Variants in MYH11 observed in about 807,000 individuals in gnomAD.
The protein encoded by MYH11 is myosin heavy chain 11, also known as myosin-11.
In MYH11, 80 loss-of-function variants were observed where a neutral mutation model predicts 246.6. The ratio of observed to expected loss-of-function variants is 0.32; its 90% CI spans 0.27 to 0.39. MYH11 has a LOEUF of 0.39. MYH11 is among the 10% of genes least tolerant of loss of function. MYH11 has a pLI of 1.00. For synonymous variants in MYH11, 1,071 were observed against 1,015.5 expected (o/e 1.05, Z -1.04); for missense variants, 2,158 against 2,546.8 (o/e 0.85, Z 3.29).
intron 2 of MYH11, among the ~76,000 whole-genome samples, chr16:15,835,310 A>T (rs976194016): frequency 6.6e-6 from 1 of 152,170 alleles, no homozygotes; most frequent in Admixed American, 6.6e-5. Flanking sequence ...GCAAGTCACT[A>T]AACTGTGTGC....
chr16:15,737,306 G>T, intron 25 of MYH11, 143 bp downstream of exon 25: 1 of 993,096 alleles, frequency 1.0e-6, no homozygotes, highest in Non-Finnish European at 1.5e-6. Flanking sequence ...GAGAAGGCTT[G>T]TGGGAGGCCT....
chr16:15,728,332 T>G (rs974255878), intron 27 of MYH11, among the ~76,000 whole-genome samples: 2 of 152,172 alleles, frequency 1.3e-5, no homozygotes, highest in Non-Finnish European at 2.9e-5. Flanking sequence ...GGATAAATTT[T>G]ACTACATATG....
intron 6 of MYH11, among the ~76,000 whole-genome samples, chr16:15,781,577 T>G (rs1304043667): frequency 3.9e-5 from 6 of 152,348 alleles, no homozygotes; most frequent in African/African-American, 1.4e-4. Flanking sequence ...CAACCGCTTC[T>G]TTTGCACAAT....
At chr16:15,729,564 T>G (rs2040899245) in intron 27 of MYH11, among the ~76,000 whole-genome samples, 1 of 151,808 alleles carries the variant, frequency 6.6e-6, no homozygotes, top group Non-Finnish European at 1.5e-5. Flanking sequence ...TTTTTTTTTT[T>G]TTTTGAAACT....
At chr16:15,825,830 T>G (rs2043549242) in intron 2 of MYH11, among the ~76,000 whole-genome samples, 2 of 151,630 alleles carry the variant, frequency 1.3e-5, no homozygotes, top group East Asian at 1.9e-4. Flanking sequence ...GAGGTCACAG[T>G]TCAGGAGACA....
At chr16:15,704,260 G>A (rs1336943172) in intron 40 of MYH11, 137 bp from the exon 41 acceptor site, 3 of 916,424 alleles carry the variant, frequency 3.3e-6, no homozygotes, top group African/African-American at 1.7e-5. Context: ...AACACACACG[G>A]CACAAATAAG....
intron 10 of MYH11, among the ~76,000 whole-genome samples, chr16:15,762,642 C>T (rs1037113958): frequency 6.6e-6 from 1 of 152,188 alleles, no homozygotes; most frequent in African/African-American, 2.4e-5. Flanking sequence ...CCCAACCAAT[C>T]AGCACCCCCA....
intron 27 of MYH11, 88 bp from the exon 28 acceptor site, chr16:15,727,142 TC>T: frequency 1.6e-6 from 2 of 1,220,672 alleles, no homozygotes; most frequent in Non-Finnish European, 2.4e-6. Flanking sequence ...CTCAGAGAGG[TC>T]CAGGAAGGCA....
chr16:15,799,245 C>T (rs1044329871), intron 3 of MYH11, among the ~76,000 whole-genome samples: 1 of 152,184 alleles, frequency 6.6e-6, no homozygotes. Context: ...GGGACTGCCT[C>T]ATAAGTACCT....
rs1225099089 is a variant in MYH11 at position 15,715,214 on chromosome 16, A to G, written c.5563T>C (p.Leu1855=). The G allele has an allele frequency of 6.2e-7, 1 of 1,613,988 alleles. No individual in the cohort carries two copies. Among genetic ancestry groups the G allele is most frequent in the African/African-American group, 1.3e-5 (1 of 74,920 alleles). The stretch of plus-strand genomic sequence containing the variant: ...TTGCGCTCGTCCTCCACCTGCAGCA[A>G]GATTTCCTTCAGCTTCTTGTCTTTC... ...KQKDKKLKEI[L]LQVEDERKMA... Residue 1855 remains leucine (L), a synonymous_variant, in exon 39 of 41, where the codon TTG becomes CTG. Transcript: ENST00000300036.
At chr16:15,719,791 C>G in intron 34 of MYH11, 78 bp from the exon 35 acceptor site, 2 of 1,590,000 alleles carry the variant, frequency 1.3e-6, no homozygotes, top group Middle Eastern at 1.9e-4. Flanking sequence ...GCTTTGCACA[C>G]CCACCCCTTG....
intron 22 of MYH11, 195 bp downstream of exon 22, chr16:15,741,268 T>C (rs897291340): frequency 1.0e-5 from 7 of 677,172 alleles, no homozygotes; most frequent in South Asian, 4.9e-5. Context: ...GGCAGGGCAA[T>C]AGAACAGAGT....
intron 4 of MYH11, among the ~76,000 whole-genome samples, chr16:15,787,667 G>T (rs1031734365): frequency 4.0e-5 from 6 of 151,602 alleles, no homozygotes; most frequent in Non-Finnish European, 5.9e-5. Context: ...TAGAGACGGG[G>T]TTTCACCATG....
At chr16:15,774,302 G>A (rs1049557762) in intron 8 of MYH11, among the ~76,000 whole-genome samples, 1 of 152,040 alleles carries the variant, frequency 6.6e-6, no homozygotes, top group East Asian at 1.9e-4. Flanking sequence ...GAATACAAAC[G>A]GCCCCTGGGA....
At chr16:15,794,315 G>A (rs372358419) in intron 4 of MYH11, among the ~76,000 whole-genome samples, 9 of 152,164 alleles carry the variant, frequency 5.9e-5, no homozygotes, top group African/African-American at 1.4e-4. Flanking sequence ...CACCAACTAC[G>A]CGTAAAAGCT....
rs751402120 is a variant in MYH11 at position 15,703,939 on chromosome 16, TTTG to T, written c.*49_*51del. 4 of 1,613,040 alleles carry T rather than the reference TTTG, an allele frequency of 2.5e-6. No homozygotes were observed. Among genetic ancestry groups the T allele is most frequent in the Non-Finnish European group, 3.4e-6 (4 of 1,179,424 alleles). On this transcript the variant is annotated 3_prime_UTR_variant, in exon 41 of 41. Coordinates refer to ENST00000300036, the MANE Select transcript of MYH11 (RefSeq NM_002474.3). ...GTTGTTGTTGGGTTTTTTTTGTTTG[TTTG>T]TTTTGGTTTTTGGTTTTCTTGCCGT...
At chr16:15,747,422 A>C in intron 19 of MYH11, 148 bp downstream of exon 19, 5 of 973,376 alleles carry the variant, frequency 5.1e-6, no homozygotes, top group Non-Finnish European at 8.0e-6. Flanking sequence ...TTTAAAGTAG[A>C]AGCATTTCTT....
rs1317809527 is a variant in MYH11, at chr16:15,704,013, T to C, written c.5897A>G (p.Asn1966Ser). The change falls in exon 41 of 41, where the codon AAT (asparagine) becomes AGT (serine). Residue 1966 changes from asparagine (N) to serine (S), a missense_variant. Transcript: ENST00000300036. The part of the protein sequence containing the change: ...EETDTRDADF[N>S]GTKASE ...TGCTTATTCACTGGCCTTGGTTCCA[T>C]TGAAGTCTGCGTCTCGAGTGTCCGT... 1.9e-6 allele frequency: 3 copies of C among 1,614,160 alleles called. No individual in the cohort carries two copies. The highest frequency in any genetic ancestry group is 1.7e-5 in the Admixed American group (1 of 59,998).
intron 31 of MYH11, among the ~76,000 whole-genome samples, chr16:15,723,762 C>A (rs2040603198): frequency 6.6e-6 from 1 of 152,174 alleles, no homozygotes; most frequent in East Asian, 1.9e-4. Context: ...TGGAATTTTA[C>A]AGAATGAAAT....
Sources: gnomAD v4.1 joint callset for allele counts (sites outside exome capture counted in the v4.1 genomes callset) on GRCh38, gnomAD v4.1.1 for gene constraint, MANE v1.5 for transcripts, NCBI Gene and HGNC (gene_info 2026-07-23, HGNC 2026-07-21) for gene names.